UPF2: variants seen among roughly 807,000 people sequenced by gnomAD.
UPF2 encodes UPF2 regulator of nonsense mediated mRNA decay.
UPF2 carries 17 observed loss-of-function variants against 141.4 expected under a neutral mutation model. The observed-to-expected ratio is 0.12, with a 90% CI of 0.08 to 0.18. The LOEUF (loss-of-function observed/expected upper bound fraction) is 0.18. UPF2 is among the 10% of genes least tolerant of loss of function. The pLI, the probability that UPF2 is intolerant of heterozygous loss-of-function variation, is 1.00. For missense variants in UPF2, 1,152 were observed against 1,515.9 expected, an observed-to-expected ratio of 0.76 and a Z score of 3.99; for synonymous variants, 540 against 498.0, an observed-to-expected ratio of 1.08 and a Z score of -1.12.
intron 19 of UPF2, among the ~76,000 whole-genome samples, chr10:11,933,328 C>A (rs1348736341): frequency 2.0e-5 from 3 of 152,152 alleles, no homozygotes; most frequent in Non-Finnish European, 4.4e-5. Context: ...CCACAACATA[C>A]CAGCGATGTT....
intron 9 of UPF2, among the ~76,000 whole-genome samples, chr10:11,977,930 C>T (rs1266025604): frequency 6.6e-6 from 1 of 152,114 alleles, no homozygotes; most frequent in Non-Finnish European, 1.5e-5. Flanking sequence ...ATCTGAAAAA[C>T]ACTTTAGCAA....
In UPF2 at chr10:11,939,015, G is replaced by A. The variant is rs1832902788; in HGVS notation, c.3379-2303C>T. ...AGCCTCCCAAGTAGCTGGGACTACAGGCACCCACCACCACAACCAGCTAAT... is the reference window on the plus strand; with the variant it reads ...AGCCTCCCAAGTAGCTGGGACTACAAGCACCCACCACCACAACCAGCTAAT... On this transcript the variant is annotated intron_variant, in intron 18 of 21. Coordinates refer to ENST00000357604, the MANE Select transcript of UPF2 (RefSeq NM_015542.4). The surrounding 1 kb of genome is among the most constrained non-coding windows in gnomAD (Gnocchi z 4.8). Among the ~76,000 whole-genome samples the A allele has an allele frequency of 6.6e-6, 1 of 151,696 alleles. No individual in the cohort carries two copies. Among genetic ancestry groups the A allele is most frequent in the Non-Finnish European group, 1.5e-5 (1 of 67,932 alleles).
chr10:11,937,463 C>T (rs1588526981), intron 18 of UPF2, among the ~76,000 whole-genome samples: 2 of 152,104 alleles, frequency 1.3e-5, no homozygotes, highest in East Asian at 1.9e-4. Context: ...GTGCCCTTCA[C>T]GAAAGGCTGA....
chr10:11,998,165 T>A lies in UPF2; in HGVS notation c.1759-408A>T, dbSNP rs1449980048. Among the ~76,000 whole-genome samples the A allele has an allele frequency of 1.3e-5, 2 of 152,176 alleles. No homozygotes were observed. The highest frequency in any genetic ancestry group is 4.8e-5 in the African/African-American group (2 of 41,428). On this transcript the variant is annotated intron_variant, in intron 7 of 21. Transcript: ENST00000357604. This position sits in a 1 kb window ranked among gnomAD's most constrained non-coding sequence, Gnocchi z 4.5. ...CTCTTTGGATGCTGAGTACTTCATTTGAACTAAGAAAACTGGAAAGCCTGA... is the reference window on the plus strand; with the variant it reads ...CTCTTTGGATGCTGAGTACTTCATTAGAACTAAGAAAACTGGAAAGCCTGA...
chr10:12,035,258 T>G lies in UPF2; in HGVS notation c.166A>C (p.Lys56Gln). 1.9e-6 allele frequency: 3 copies of G among 1,614,010 alleles called. No homozygotes were observed. The highest frequency in any genetic ancestry group is 2.5e-6 in the Non-Finnish European group (3 of 1,180,020). ...KKEVSKAPEDKKKRLEDDKRK... is the reference protein window; with the variant it reads ...KKEVSKAPEDQKKRLEDDKRK... Reference sequence around the variant, plus strand: ...TTATCATCTTCCAGTCTCTTCTTCTTGTCTTCAGGGGCCTTGCTGACCTCC... The same window carrying G: ...TTATCATCTTCCAGTCTCTTCTTCTGGTCTTCAGGGGCCTTGCTGACCTCC... The change falls in exon 2 of 22, where the codon AAG (lysine) becomes CAG (glutamine). Residue 56 changes from lysine to glutamine, a missense_variant. Coordinates refer to ENST00000357604, the MANE Select transcript of UPF2 (RefSeq NM_015542.4).
At chr10:11,929,804 A>C in intron 21 of UPF2, 61 bp downstream of exon 21, 6 of 1,569,558 alleles carry the variant, frequency 3.8e-6, no homozygotes, top group Non-Finnish European at 5.2e-6. Flanking sequence ...AGAATTCCCT[A>C]ATTTATTCTT....
Position 11,979,178 on chromosome 10 carries a change from T to A in UPF2, c.1845-13A>T. 6.3e-7 allele frequency: 1 copy of A among 1,583,336 alleles called. No individual in the cohort carries two copies. Among genetic ancestry groups the A allele is most frequent in the Non-Finnish European group, 8.7e-7 (1 of 1,155,070 alleles). On this transcript the variant is annotated splice_polypyrimidine_tract_variant and intron_variant, in intron 8 of 21. Transcript: ENST00000357604. This position sits in a 1 kb window ranked among gnomAD's most constrained non-coding sequence, Gnocchi z 6.2. ...TAGCAAATCCAACCTGCAAAAGTTA[T>A]ATGTGATATGTGTCAAAGGAAAGAC...
chr10:11,970,430 C>CTT (rs370761112), intron 9 of UPF2, among the ~76,000 whole-genome samples: 1 of 148,178 alleles, frequency 6.7e-6, no homozygotes, highest in African/African-American at 2.5e-5. Flanking sequence ...TTTTTCTTTC[C>CTT]TTTTTTTTTT....
In UPF2 at chr10:11,936,540, C is replaced by A; in HGVS notation, c.3546+5G>T. 1 of 1,595,782 alleles carries A rather than the reference C, an allele frequency of 6.3e-7. No homozygotes were observed. Among genetic ancestry groups the A allele is most frequent in the Non-Finnish European group, 8.5e-7 (1 of 1,171,592 alleles). On this transcript the variant is annotated splice_donor_5th_base_variant and intron_variant, in intron 19 of 21. Coordinates refer to ENST00000357604, the MANE Select transcript of UPF2 (RefSeq NM_015542.4). The surrounding 1 kb of genome is among the most constrained non-coding windows in gnomAD (Gnocchi z 6.6). ...GCTATAATTACAGGGCGGGCAGTTT[C>A]TTACCTGCTGTTTATTGCCTTTTCT...
chr10:11,956,562 T>C lies in UPF2; in HGVS notation c.2371-39A>G, dbSNP rs772505912. ...ATTTTGTTCAAATTATTAAGATAAG[T>C]ACACAGTAGCCTGACCAAATAATAC... On this transcript the variant is annotated intron_variant, in intron 12 of 21. Coordinates refer to ENST00000357604, the MANE Select transcript of UPF2 (RefSeq NM_015542.4). This position sits in a 1 kb window ranked among gnomAD's most constrained non-coding sequence, Gnocchi z 4.2. 6.3e-7 allele frequency: 1 copy of C among 1,590,190 alleles called. No homozygotes were observed. Among genetic ancestry groups the C allele is most frequent in the Non-Finnish European group, 8.6e-7 (1 of 1,164,080 alleles).
chr10:12,031,239 T>C (rs891836164), intron 2 of UPF2, among the ~76,000 whole-genome samples: 2 of 151,810 alleles, frequency 1.3e-5, no homozygotes, highest in African/African-American at 4.8e-5. Flanking sequence ...CTCAGCACAT[T>C]AGCCAAACCT....
At chr10:11,966,155 C>A (rs944846419) in intron 10 of UPF2, among the ~76,000 whole-genome samples, 7 of 152,090 alleles carry the variant, frequency 4.6e-5, no homozygotes, top group African/African-American at 9.7e-5. Flanking sequence ...ATTGTAAATT[C>A]TGCTGCTGTT....
At chr10:12,028,308 T>C (rs554178962) in intron 3 of UPF2, among the ~76,000 whole-genome samples, 1 of 152,284 alleles carries the variant, frequency 6.6e-6, no homozygotes, top group Admixed American at 6.5e-5. Flanking sequence ...CACTGGTAAT[T>C]AATGACTCAT....
intron 15 of UPF2, among the ~76,000 whole-genome samples, chr10:11,950,241 A>C (rs1352767492): frequency 3.3e-5 from 5 of 152,194 alleles, no homozygotes; most frequent in Admixed American, 6.5e-5. Flanking sequence ...TTTTCCAATT[A>C]ACTATTATGT....
chr10:11,979,006 A>C lies in UPF2; in HGVS notation c.1953+51T>G, dbSNP rs1207076619. ...ACAATTACATTCTTAAAGAATCCTCACTCAACGTATAAGAATATAAATATT... is the reference window on the plus strand; with the variant it reads ...ACAATTACATTCTTAAAGAATCCTCCCTCAACGTATAAGAATATAAATATT... On this transcript the variant is annotated intron_variant, in intron 9 of 21. Coordinates refer to ENST00000357604, the MANE Select transcript of UPF2 (RefSeq NM_015542.4). This position sits in a 1 kb window ranked among gnomAD's most constrained non-coding sequence, Gnocchi z 6.2. The C allele has an allele frequency of 8.7e-6, 12 of 1,375,822 alleles. No homozygotes were observed. The highest frequency in any genetic ancestry group is 1.1e-5 in the Non-Finnish European group (11 of 975,614). The allele number at this position is 1,375,822 out of a possible 1,614,324, so 85.2% of individuals were successfully genotyped here.
chr10:11,979,242 G>T lies in UPF2; in HGVS notation c.1845-77C>A. On this transcript the variant is annotated intron_variant, in intron 8 of 21. Coordinates refer to ENST00000357604, the MANE Select transcript of UPF2 (RefSeq NM_015542.4). The surrounding 1 kb of genome is among the most constrained non-coding windows in gnomAD (Gnocchi z 6.2). Reference sequence around the variant, plus strand: ...TTCATTTTAAAATTTAAACTTTTCAGATGTATTCACACATTAAATGATCTT... The same window carrying T: ...TTCATTTTAAAATTTAAACTTTTCATATGTATTCACACATTAAATGATCTT... 1 of 1,077,040 alleles carries T rather than the reference G, an allele frequency of 9.3e-7. No individual in the cohort carries two copies. The highest frequency in any genetic ancestry group is 1.4e-6 in the Non-Finnish European group (1 of 734,586). The allele number at this position is 1,077,040 out of a possible 1,614,324, so 66.7% of individuals were successfully genotyped here.
chr10:11,968,695 G>A lies in UPF2; in HGVS notation c.1954-1241C>T, dbSNP rs182474891. On this transcript the variant is annotated intron_variant, in intron 9 of 21. Transcript: ENST00000357604. ...GCACAAATTTCAAGAATTATCAGAT[G>A]CAACAAAATCCTGCTGCAACAGTAC... is the stretch of plus-strand genomic sequence containing the variant. Among the ~76,000 whole-genome samples, 157 of 152,254 alleles carry A rather than the reference G, an allele frequency of 1.0e-3. No homozygotes were observed. In the Middle Eastern group the frequency reaches 0.014, roughly 13 times the overall value.
chr10:11,952,716 C>T (rs563029720), intron 14 of UPF2, among the ~76,000 whole-genome samples: 31 of 152,016 alleles, frequency 2.0e-4, no homozygotes, highest in South Asian at 1.5e-3. Context: ...CCTCGTGATC[C>T]GCCCGCCTTG....
intron 3 of UPF2, among the ~76,000 whole-genome samples, chr10:12,023,028 G>A (rs1443990041): frequency 6.6e-6 from 1 of 152,034 alleles, no homozygotes; most frequent in African/African-American, 2.4e-5. Context: ...GAGAAAAAAA[G>A]GAATAAAGAT....
Sources: allele counts gnomAD v4.1 joint callset (sites outside exome capture counted in the v4.1 genomes callset), GRCh38; gene constraint gnomAD v4.1.1; non-coding constraint Gnocchi (gnomAD v3.1); transcripts MANE v1.5; gene names NCBI Gene and HGNC (gene_info 2026-07-23, HGNC 2026-07-21).